Variants in R3HDM2 observed in about 807,000 individuals in gnomAD.
R3HDM2 encodes R3H domain containing 2, also known as R3H domain-containing protein 2.
Under a neutral mutation model 124.5 loss-of-function variants are expected in R3HDM2, and 38 were observed. That is an observed-to-expected ratio of 0.31 (90% CI 0.24 to 0.40). The LOEUF (loss-of-function observed/expected upper bound fraction) is 0.40. Ranked by LOEUF, R3HDM2 falls within the 10% of genes least tolerant of loss-of-function variation. The pLI, the probability that R3HDM2 is intolerant of heterozygous loss-of-function variation, is 1.00. For missense variants in R3HDM2, 869 were observed against 1,236.9 expected, an observed-to-expected ratio of 0.70 and a Z score of 4.46; for synonymous variants, 391 against 448.0, an observed-to-expected ratio of 0.87 and a Z score of 1.61.
intron 20 of R3HDM2, 87 bp downstream of exon 20, chr12:57,258,803 A>G (rs1276657034): frequency 3.2e-6 from 4 of 1,245,958 alleles, no homozygotes; most frequent in Non-Finnish European, 4.3e-6. Flanking sequence ...GACATGTAAA[A>G]GAGGCTGCTC....
At chr12:57,261,772 A>AC (rs896440578) in intron 19 of R3HDM2, among the ~76,000 whole-genome samples, 6 of 151,552 alleles carry the variant, frequency 4.0e-5, no homozygotes, top group Admixed American at 1.3e-4. Flanking sequence ...AAAAAAAAAA[A>AC]AAAAAACCCT....
At chr12:57,358,834 T>C (rs1211975061) in intron 2 of R3HDM2, among the ~76,000 whole-genome samples, 2 of 152,070 alleles carry the variant, frequency 1.3e-5, no homozygotes, top group Non-Finnish European at 2.9e-5. Flanking sequence ...GAGAGTGGTG[T>C]TGAAATCTCC....
chr12:57,360,547 A>G (rs779673257), intron 2 of R3HDM2, among the ~76,000 whole-genome samples: 4 of 152,086 alleles, frequency 2.6e-5, no homozygotes, highest in East Asian at 3.9e-4. Flanking sequence ...GCTTCAGCCT[A>G]TAAGTTCGAG....
intron 1 of R3HDM2, among the ~76,000 whole-genome samples, chr12:57,403,202 G>A (rs1257643817): frequency 2.6e-5 from 4 of 151,944 alleles, no homozygotes; most frequent in African/African-American, 4.8e-5. Flanking sequence ...CTAAAAATAC[G>A]AAACAATTTG....
chr12:57,374,683 TAAAAAAA>T lies in R3HDM2; in HGVS notation c.-36+21059_-36+21065del, dbSNP rs56197858. ...GGGCAAAAAGAGAGAAATTCTATCT[TAAAAAAA>T]AAAAAAAAAAAAAAAAAAAAAGGCC... On this transcript the variant is annotated intron_variant, in intron 2 of 23. Coordinates refer to ENST00000402412, the MANE Select transcript of R3HDM2 (RefSeq NM_001394031.1). Among the ~76,000 whole-genome samples, 44 of 28,088 alleles carry T rather than the reference TAAAAAAA, an allele frequency of 1.6e-3. No individual in the cohort carries two copies. In the South Asian group the frequency reaches 0.035, roughly 22 times the overall value. The allele number at this position is 28,088 out of a possible 152,430, so 18.4% of individuals were successfully genotyped here.
intron 2 of R3HDM2, among the ~76,000 whole-genome samples, chr12:57,376,426 C>A (rs2064081344): frequency 6.6e-6 from 1 of 152,156 alleles, no homozygotes; most frequent in Non-Finnish European, 1.5e-5. Context: ...GGAGACTAGG[C>A]TTGTAGGATA....
rs1038083366 is a variant in R3HDM2 at position 57,296,244 on chromosome 12, C to G, written c.701+167G>C. Among the ~76,000 whole-genome samples the G allele has an allele frequency of 3.3e-5, 5 of 151,536 alleles. No homozygotes were observed. The highest frequency in any genetic ancestry group is 1.2e-4 in the African/African-American group (5 of 41,188). On this transcript the variant is annotated intron_variant, in intron 9 of 23. Transcript: ENST00000402412. The surrounding 1 kb of genome is among the most constrained non-coding windows in gnomAD (Gnocchi z 4.5). Reference sequence around the variant, plus strand: ...TGTTGACCAGGCTGGTCTCGAACTCCTGGCTTCAAGCAGTCTTCCCATCTT... The same window carrying G: ...TGTTGACCAGGCTGGTCTCGAACTCGTGGCTTCAAGCAGTCTTCCCATCTT...
intron 1 of R3HDM2, among the ~76,000 whole-genome samples, chr12:57,428,648 G>GAAC (rs951532127): frequency 6.6e-6 from 1 of 151,878 alleles, no homozygotes; most frequent in African/African-American, 2.4e-5. Flanking sequence ...TAGCGAGAAA[G>GAAC]AACAACAACA....
intron 2 of R3HDM2, among the ~76,000 whole-genome samples, chr12:57,363,664 C>T (rs1242393193): frequency 6.6e-6 from 1 of 152,152 alleles, no homozygotes; most frequent in Non-Finnish European, 1.5e-5. Context: ...AGTATCAAAA[C>T]ATCATCACTA....
intron 2 of R3HDM2, among the ~76,000 whole-genome samples, chr12:57,331,926 A>T (rs1205071818): frequency 1.3e-5 from 2 of 151,280 alleles, no homozygotes; most frequent in African/African-American, 4.9e-5. Context: ...AAAAAAAAAA[A>T]ATTTTTTTTT....
intron 1 of R3HDM2, among the ~76,000 whole-genome samples, chr12:57,415,647 A>G (rs967052279): frequency 6.6e-6 from 1 of 152,104 alleles, no homozygotes; most frequent in African/African-American, 2.4e-5. Flanking sequence ...AATTTAACCA[A>G]GCAGACTTCA....
At chr12:57,343,419 C>T (rs1347465497) in intron 2 of R3HDM2, among the ~76,000 whole-genome samples, 2 of 151,894 alleles carry the variant, frequency 1.3e-5, no homozygotes, top group Non-Finnish European at 2.9e-5. Context: ...GAACTCCCGA[C>T]CTCAGGTGAT....
intron 2 of R3HDM2, among the ~76,000 whole-genome samples, chr12:57,371,752 A>T (rs77700894): frequency 0.011 from 1,752 of 152,362 alleles, 41 homozygotes; most frequent in African/African-American, 0.039. Context: ...CTTTGAGCAT[A>T]GTCTAAGGGA....
At chr12:57,280,820 C>G (rs1161254453) in intron 13 of R3HDM2, among the ~76,000 whole-genome samples, 1 of 152,148 alleles carries the variant, frequency 6.6e-6, no homozygotes, top group Non-Finnish European at 1.5e-5. Flanking sequence ...TGAAGCACCT[C>G]CCCTGAAGTG....
intron 1 of R3HDM2, among the ~76,000 whole-genome samples, chr12:57,409,845 G>A (rs2068858123): frequency 3.3e-5 from 5 of 152,020 alleles, no homozygotes; most frequent in South Asian, 4.1e-4. Flanking sequence ...AAGACAGCTC[G>A]TTTTTCCAAA....
chr12:57,372,204 C>G (rs950576203), intron 2 of R3HDM2, among the ~76,000 whole-genome samples: 9 of 152,110 alleles, frequency 5.9e-5, no homozygotes, highest in African/African-American at 2.2e-4. Context: ...AAAGCCTTCC[C>G]AGGATGGACC....
chr12:57,361,331 C>T lies in R3HDM2; in HGVS notation c.-36+34418G>A, dbSNP rs551937668. Among the ~76,000 whole-genome samples, 171 of 142,344 alleles carry T rather than the reference C, an allele frequency of 1.2e-3. 1 individual carries two copies. Among genetic ancestry groups the T allele is most frequent in the Non-Finnish European group, 1.8e-3 (119 of 66,376 alleles). 93.4% of individuals were successfully genotyped at this position (142,344 alleles called of 152,430 possible). A position where few individuals can be genotyped will look rare whatever the true frequency, so the allele number is the denominator to read the frequency against. On this transcript the variant is annotated intron_variant, in intron 2 of 23. Coordinates refer to ENST00000402412, the MANE Select transcript of R3HDM2 (RefSeq NM_001394031.1). ...AGGAGGTTGCAGTGAGTCGAGATCG[C>T]GCCATTGCACTCCAGCCTGGGCATC...
Position 57,326,243 on chromosome 12 carries a change from T to C in R3HDM2, c.-35-15780A>G, listed in dbSNP as rs147136647. On this transcript the variant is annotated intron_variant, in intron 2 of 23. Coordinates refer to ENST00000402412, the MANE Select transcript of R3HDM2 (RefSeq NM_001394031.1). ...TCTACAGTGGCCTCTAAGTAAGCAT[T>C]CAAGTGAAAGGAAGAGTCACACATC... Among the ~76,000 whole-genome samples, 4 of 152,292 alleles carry C rather than the reference T, an allele frequency of 2.6e-5. No individual in the cohort carries two copies. The East Asian group carries it at 7.7e-4, about 29-fold the overall frequency.
intron 1 of R3HDM2, among the ~76,000 whole-genome samples, chr12:57,424,271 C>T (rs148728823): frequency 6.6e-6 from 1 of 152,036 alleles, no homozygotes; most frequent in East Asian, 1.9e-4. Flanking sequence ...AATTCTCGTG[C>T]CTCAGCCTCC....
Sources: gnomAD v4.1 joint callset for allele counts (sites outside exome capture counted in the v4.1 genomes callset) on GRCh38, gnomAD v4.1.1 for gene constraint, Gnocchi (gnomAD v3.1) non-coding constraint, MANE v1.5 for transcripts, NCBI Gene and HGNC (gene_info 2026-07-23, HGNC 2026-07-21) for gene names.